The following CEP57 variants were observed in gnomAD, a reference collection of about 807,000 sequenced individuals.
CEP57 encodes the protein centrosomal protein of 57 kDa.
Under a neutral mutation model 68.0 loss-of-function variants are expected in CEP57, and 40 were observed. That is an observed-to-expected ratio of 0.59 (90% CI 0.46 to 0.77). The LOEUF is 0.77. Among genes scored for constraint, CEP57 ranks in the 30% least tolerant of loss-of-function variants. The pLI, the probability that CEP57 is intolerant of heterozygous loss-of-function variation, is 0.00. For missense variants in CEP57, 606 were observed against 580.7 expected (o/e 1.04, Z -0.45); for synonymous variants, 219 against 198.7 (o/e 1.10, Z -0.86).
rs781738993 is a variant in CEP57 at position 95,818,035 on chromosome 11, AAAG to A, written c.621+135_621+137del. ...ATGAAGAAATATATTGGAGTTTTAA[AAAG>A]AAAATATAAATTTGGAGAGAATGTT... On this transcript the variant is annotated intron_variant, in intron 5 of 10. Transcript: ENST00000325542. 124 of 677,130 alleles carry A rather than the reference AAAG, an allele frequency of 1.8e-4. 1 individual carries two copies. The Middle Eastern group carries it at 3.8e-3, about 21-fold the overall frequency. The allele number at this position is 677,130 out of a possible 1,614,324, so 41.9% of individuals were successfully genotyped here.
chr11:95,797,651 A>C (rs1861407137), intron 1 of CEP57, among the ~76,000 whole-genome samples: 2 of 152,208 alleles, frequency 1.3e-5, no homozygotes, highest in Non-Finnish European at 2.9e-5. Flanking sequence ...CAAGGACAAA[A>C]GACTAAATAT....
intron 1 of CEP57, among the ~76,000 whole-genome samples, chr11:95,797,560 A>G (rs1565310556): frequency 6.6e-6 from 1 of 152,156 alleles, no homozygotes; most frequent in Non-Finnish European, 1.5e-5. Flanking sequence ...TAGGTGCCCT[A>G]CCTTGAGTCC....
chr11:95,822,412 T>G lies in CEP57; in HGVS notation c.808-87T>G, dbSNP rs1363503299. 1.1e-5 allele frequency: 11 copies of G among 973,304 alleles called. No individual in the cohort carries two copies. In the East Asian group the frequency reaches 2.6e-4, roughly 23 times the overall value. The allele number at this position is 973,304 out of a possible 1,614,324, so 60.3% of individuals were successfully genotyped here. A position where few individuals can be genotyped will look rare whatever the true frequency, so the allele number is the denominator to read the frequency against. On this transcript the variant is annotated intron_variant, in intron 7 of 10. Coordinates refer to ENST00000325542, the MANE Select transcript of CEP57 (RefSeq NM_014679.5). ...ATAAGGCAAGTAGTAGCCTAGTAGT[T>G]AACTGAAGTTTCAAGTTAGTCATGT... is the stretch of plus-strand genomic sequence containing the variant.
At chr11:95,799,084 C>A in intron 1 of CEP57, 148 bp from the exon 2 acceptor site, 1 of 768,462 alleles carries the variant, frequency 1.3e-6, no homozygotes, top group Non-Finnish European at 2.2e-6. Flanking sequence ...AGTTGTATTT[C>A]TTTAATGATT....
intron 6 of CEP57, among the ~76,000 whole-genome samples, chr11:95,819,144 A>G (rs1862421650): frequency 6.6e-6 from 1 of 152,234 alleles, no homozygotes; most frequent in Non-Finnish European, 1.5e-5. Flanking sequence ...TTAAAAAATA[A>G]CAGACTAAAA....
At chr11:95,801,923 C>T (rs921878214) in intron 2 of CEP57, among the ~76,000 whole-genome samples, 1 of 152,092 alleles carries the variant, frequency 6.6e-6, no homozygotes, top group Non-Finnish European at 1.5e-5. Flanking sequence ...AGCAATGTCC[C>T]AGGATAATTA....
chr11:95,807,508 G>T (rs552000720), intron 2 of CEP57, among the ~76,000 whole-genome samples: 1 of 152,116 alleles, frequency 6.6e-6, no homozygotes, highest in African/African-American at 2.4e-5. Flanking sequence ...AATAAACAGC[G>T]TAGAGAAGAC....
chr11:95,813,507 A>G lies in CEP57; in HGVS notation c.422A>G (p.Asn141Ser), dbSNP rs149196489. 3.9e-4 allele frequency: 630 copies of G among 1,612,850 alleles called. 1 individual carries two copies. Among genetic ancestry groups the G allele is most frequent in the Non-Finnish European group, 5.1e-4 (599 of 1,179,918 alleles). The change falls in exon 4 of 11, where the codon AAT (asparagine) becomes AGT (serine). Residue 141 changes from asparagine (N) to serine (S), a missense_variant. Transcript: ENST00000325542. ...TTGTTAGCTGCAGAAAATAAATGCA[A>G]TCTATTAGAAAAACAATTGGAATAC... Reference protein sequence around the residue: ...SQLLAAENKCNLLEKQLEYMR... With the variant: ...SQLLAAENKCSLLEKQLEYMR...
At chr11:95,801,110 C>G (rs1380378428) in intron 2 of CEP57, among the ~76,000 whole-genome samples, 1 of 152,142 alleles carries the variant, frequency 6.6e-6, no homozygotes, top group Non-Finnish European at 1.5e-5. Flanking sequence ...CTAAAAATCT[C>G]AGAATGAACC....
chr11:95,794,780 C>T (rs977282261), intron 1 of CEP57, among the ~76,000 whole-genome samples: 8 of 152,000 alleles, frequency 5.3e-5, no homozygotes, highest in Non-Finnish European at 8.8e-5. Flanking sequence ...TGGTTGTATT[C>T]TTCTATATTT....
chr11:95,826,735 A>C (rs1159448139), intron 8 of CEP57: 1 of 152,212 alleles, frequency 6.6e-6, no homozygotes, highest in Admixed American at 6.5e-5. Context: ...AAATTATTGC[A>C]TATTGAAAGT....
At chr11:95,829,625 GT>G (rs1269797396) in intron 10 of CEP57, among the ~76,000 whole-genome samples, 2 of 152,110 alleles carry the variant, frequency 1.3e-5, no homozygotes, top group Admixed American at 6.5e-5. Flanking sequence ...ATCCAAGTAA[GT>G]TTTTTTAAAA....
chr11:95,790,536 G>A lies in CEP57; in HGVS notation c.-163G>A, dbSNP rs553655008. The A allele has an allele frequency of 3.7e-5, 27 of 737,612 alleles. No individual in the cohort carries two copies. The East Asian group carries it at 7.3e-4, about 20-fold the overall frequency. The allele number at this position is 737,612 out of a possible 1,614,324, so 45.7% of individuals were successfully genotyped here. On this transcript the variant is annotated 5_prime_UTR_variant, in exon 1 of 11. Transcript: ENST00000325542. Reference sequence around the variant, plus strand: ...CTGTGAGCGTAGGCGGCCCTGAGGGGGTGTGTTGCAGGGGTTTCCAAGCCC... The same window carrying A: ...CTGTGAGCGTAGGCGGCCCTGAGGGAGTGTGTTGCAGGGGTTTCCAAGCCC...
intron 1 of CEP57, among the ~76,000 whole-genome samples, chr11:95,797,663 T>TA (rs2135253462): frequency 6.6e-6 from 1 of 152,298 alleles, no homozygotes; most frequent in Non-Finnish European, 1.5e-5. Context: ...ACTAAATATA[T>TA]TTTTTATTAT....
chr11:95,830,948 C>A, intron 10 of CEP57, 78 bp from the exon 11 acceptor site: 1 of 1,093,760 alleles, frequency 9.1e-7, no homozygotes, highest in South Asian at 1.3e-5. Context: ...AAAAGGTACT[C>A]TTGTACTTTT....
intron 2 of CEP57, among the ~76,000 whole-genome samples, chr11:95,801,385 A>G (rs919458885): frequency 2.0e-5 from 3 of 151,230 alleles, no homozygotes; most frequent in South Asian, 2.1e-4. Context: ...ACATCAGAGT[A>G]TAGCAGGTTG....
At chr11:95,817,166 G>C (rs1383778391) in intron 4 of CEP57, among the ~76,000 whole-genome samples, 1 of 151,386 alleles carries the variant, frequency 6.6e-6, no homozygotes, top group East Asian at 2.0e-4. Context: ...AGGAGAGCGA[G>C]ACCATCCTGG....
At chr11:95,790,380 G>A (rs2120351274), upstream of CEP57, 1 of 468,280 alleles carries the variant, frequency 2.1e-6, no homozygotes, top group Non-Finnish European at 3.9e-6. Context: ...CTGCCCCAGC[G>A]GGCCCCGTTA....
At chr11:95,822,043 C>CAT in intron 7 of CEP57, 65 bp downstream of exon 7, 1 of 1,056,502 alleles carries the variant, frequency 9.5e-7, no homozygotes, top group Non-Finnish European at 1.5e-6. Context: ...TCAAAACACC[C>CAT]ATAAACTGTG....
Sources: gnomAD v4.1 joint callset for allele counts (sites outside exome capture counted in the v4.1 genomes callset) on GRCh38, gnomAD v4.1.1 for gene constraint, MANE v1.5 for transcripts, NCBI Gene and HGNC (gene_info 2026-07-23, HGNC 2026-07-21) for gene names.